Variants in MCTP1 observed in about 807,000 individuals in gnomAD.
MCTP1 encodes the protein multiple C2 and transmembrane domain containing 1, also known as multiple C2 and transmembrane domain-containing protein 1.
A neutral mutation model predicts 120.6 loss-of-function variants in MCTP1; 69 were observed. The observed-to-expected ratio is 0.57, with a 90% CI of 0.47 to 0.70. The LOEUF is 0.70. Ranked by LOEUF, MCTP1 falls within the 30% of genes least tolerant of loss-of-function variation. The probability of loss-of-function intolerance (pLI) is 0.00; values close to 1 mark genes in which losing one functional copy is unlikely to be tolerated. For synonymous variants in MCTP1, 529 were observed against 493.1 expected (o/e 1.07, Z -0.96); for missense variants, 1,203 against 1,248.8 (o/e 0.96, Z 0.55).
intron 9 of MCTP1, 107 bp from the exon 10 acceptor site, chr5:94,909,488 G>T: frequency 3.9e-6 from 4 of 1,034,142 alleles, no homozygotes; most frequent in South Asian, 1.7e-5. Context: ...AGAAAAGCAC[G>T]CTGTGTGCTA....
At chr5:95,009,974 C>T (rs1835591954) in intron 2 of MCTP1, among the ~76,000 whole-genome samples, 1 of 152,152 alleles carries the variant, frequency 6.6e-6, no homozygotes, top group African/African-American at 2.4e-5. Context: ...AAGTCCAAAC[C>T]ACATTCTAGT....
chr5:94,712,559 T>C (rs1757447547), intron 20 of MCTP1, among the ~76,000 whole-genome samples: 1 of 152,124 alleles, frequency 6.6e-6, no homozygotes, highest in Admixed American at 6.6e-5. Context: ...TGTCTCTCTC[T>C]AGGTCAAAAT....
chr5:95,210,401 T>C (rs1453831232), intron 1 of MCTP1, among the ~76,000 whole-genome samples: 1 of 150,850 alleles, frequency 6.6e-6, no homozygotes, highest in Admixed American at 6.6e-5. Flanking sequence ...GCTCTTCTTG[T>C]TGAATTGATC....
intron 2 of MCTP1, among the ~76,000 whole-genome samples, chr5:95,001,530 G>A (rs1050081490): frequency 2.6e-5 from 4 of 152,118 alleles, no homozygotes; most frequent in African/African-American, 4.8e-5. Context: ...CAATGATGTC[G>A]AGGCTGAGGT....
At chr5:94,724,491 A>G (rs113101380) in intron 19 of MCTP1, among the ~76,000 whole-genome samples, 11,159 of 151,020 alleles carry the variant, frequency 0.074, 456 homozygotes, top group South Asian at 0.12. Context: ...GGTTCAAGCA[A>G]TCCTCCCACC....
chr5:94,780,965 C>G (rs985069071), intron 18 of MCTP1, among the ~76,000 whole-genome samples: 1 of 152,008 alleles, frequency 6.6e-6, no homozygotes, highest in African/African-American at 2.4e-5. Flanking sequence ...TGATATATGC[C>G]AGGCTATTCC....
chr5:94,872,556 T>TA (rs1375841305), intron 13 of MCTP1, among the ~76,000 whole-genome samples: 3 of 152,078 alleles, frequency 2.0e-5, no homozygotes, highest in African/African-American at 4.8e-5. Context: ...AAGCCCTGTT[T>TA]AAAAAACCGA....
intron 1 of MCTP1, among the ~76,000 whole-genome samples, chr5:95,156,226 C>T (rs908630184): frequency 2.0e-5 from 3 of 152,112 alleles, no homozygotes; most frequent in East Asian, 1.9e-4. Flanking sequence ...TCCAGACCCA[C>T]GGAGACTGAG....
At chr5:95,171,003 T>C (rs1471160768) in intron 1 of MCTP1, among the ~76,000 whole-genome samples, 2 of 152,270 alleles carry the variant, frequency 1.3e-5, no homozygotes, top group East Asian at 1.9e-4. Context: ...TTCTTCCTAG[T>C]CTCGATGGTC....
intron 2 of MCTP1, among the ~76,000 whole-genome samples, chr5:95,009,110 A>AGAGAGAGAGAGAGAGAG (rs1835409740): frequency 8.4e-6 from 1 of 118,782 alleles, no homozygotes. Context: ...GAGAGAGAGA[A>AGAGAGAGAGAGAGAGAG]GCATTGGGAG....
At chr5:94,772,068 C>G (rs1413147363) in intron 19 of MCTP1, among the ~76,000 whole-genome samples, 1 of 152,170 alleles carries the variant, frequency 6.6e-6, no homozygotes, top group African/African-American at 2.4e-5. Context: ...TGATACCGTG[C>G]ACCCTGTACT....
At chr5:95,056,360 G>C (rs1747391946) in intron 1 of MCTP1, among the ~76,000 whole-genome samples, 1 of 152,002 alleles carries the variant, frequency 6.6e-6, no homozygotes, top group Non-Finnish European at 1.5e-5. Flanking sequence ...ACAGGTGCTG[G>C]GTAATCAGAT....
chr5:94,855,121 C>T (rs1794494066), intron 17 of MCTP1, among the ~76,000 whole-genome samples: 1 of 151,880 alleles, frequency 6.6e-6, no homozygotes, highest in Non-Finnish European at 1.5e-5. Context: ...ACCCGCAACT[C>T]TGATAAGACT....
chr5:94,759,136 C>T (rs930239177), intron 19 of MCTP1, among the ~76,000 whole-genome samples: 5 of 152,100 alleles, frequency 3.3e-5, no homozygotes, highest in African/African-American at 7.2e-5. Flanking sequence ...GATATATGAT[C>T]AACTAGGGAC....
chr5:94,706,481 T>TATCA lies in MCTP1; in HGVS notation c.*1011_*1014dup, dbSNP rs1754637791. 2.6e-5 allele frequency: 4 copies of TATCA among 151,794 alleles called. No homozygotes were observed. In the South Asian group the frequency reaches 8.3e-4, roughly 31 times the overall value. 9.4% of individuals were successfully genotyped at this position (151,794 alleles called of 1,614,324 possible). On this transcript the variant is annotated 3_prime_UTR_variant, in exon 23 of 23. Coordinates refer to ENST00000515393, the MANE Select transcript of MCTP1 (RefSeq NM_024717.7). ...AAATGAATGTAGTGAAACACTGGCA[T>TATCA]ATCACTTAGCACACTGAATTCTCTA...
intron 6 of MCTP1, among the ~76,000 whole-genome samples, chr5:94,930,556 G>A (rs1441307969): frequency 6.6e-6 from 1 of 152,008 alleles, no homozygotes; most frequent in Non-Finnish European, 1.5e-5. Flanking sequence ...TTACAGGCAT[G>A]AGCCACTGTG....
chr5:94,961,465 T>A (rs1824176660), intron 2 of MCTP1, among the ~76,000 whole-genome samples: 1 of 152,136 alleles, frequency 6.6e-6, no homozygotes, highest in South Asian at 2.1e-4. Flanking sequence ...TGTTCATGGA[T>A]ACAAAGCTAG....
At chr5:95,040,945 T>C (rs916510641) in intron 1 of MCTP1, among the ~76,000 whole-genome samples, 24 of 152,250 alleles carry the variant, frequency 1.6e-4, no homozygotes, top group South Asian at 1.4e-3. Flanking sequence ...AGGCTAATAA[T>C]AGTGGAGGCT....
chr5:94,989,339 T>TA (rs145807140), intron 2 of MCTP1, among the ~76,000 whole-genome samples: 357 of 152,344 alleles, frequency 2.3e-3, no homozygotes, highest in African/African-American at 8.2e-3. Context: ...GCTATTGTGA[T>TA]ATAACAGATT....
Sources: allele counts gnomAD v4.1 joint callset (sites outside exome capture counted in the v4.1 genomes callset), GRCh38; gene constraint gnomAD v4.1.1; transcripts MANE v1.5; gene names NCBI Gene and HGNC (gene_info 2026-07-23, HGNC 2026-07-21).